Variants in MSRA observed in about 807,000 individuals in gnomAD.
MSRA encodes the protein methionine sulfoxide reductase A.
In MSRA, 54 loss-of-function variants were observed where a neutral mutation model predicts 31.3. That is an observed-to-expected ratio of 1.73 (90% CI 1.39 to 2.17). The LOEUF is 2.17. Ranked by LOEUF, MSRA falls within the 30% of genes most tolerant of loss-of-function variation. The pLI is 0.00. For synonymous variants in MSRA, 169 were observed against 116.5 expected (o/e 1.45, Z -2.90); for missense variants, 507 against 300.9 (o/e 1.69, Z -5.07).
chr8:10,213,271 C>T (rs1455124792), intron 2 of MSRA, among the ~76,000 whole-genome samples: 1 of 151,948 alleles, frequency 6.6e-6, no homozygotes, highest in Non-Finnish European at 1.5e-5. Context: ...ATTTTTAGAT[C>T]CCACAAATAA....
intron 3 of MSRA, among the ~76,000 whole-genome samples, chr8:10,259,096 C>T (rs2952197): frequency 1.4e-5 from 2 of 143,702 alleles, no homozygotes; most frequent in African/African-American, 2.5e-5. Context: ...GACAGAGACT[C>T]TGTCAAAGGA....
At position 10,410,284 on chromosome 8, in the gene MSRA, A is replaced by G. The variant is rs58991652; in HGVS notation, c.544-17864A>G. 8.6e-3 allele frequency among the ~76,000 whole-genome samples: 1,313 copies of G among 152,234 alleles called. 28 individuals are homozygous for G. Among genetic ancestry groups the G allele is most frequent in the African/African-American group, 0.03 (1,258 of 41,532 alleles). On this transcript the variant is annotated intron_variant, in intron 5 of 5. Transcript: ENST00000317173. ...CAACAGGCTAGGTCTTCCAAGGACC[A>G]AAAATCTGGGTGGCCTGTGAAAAAC...
intron 2 of MSRA, among the ~76,000 whole-genome samples, chr8:10,214,575 G>A (rs1809820754): frequency 6.6e-6 from 1 of 151,654 alleles, no homozygotes; most frequent in Non-Finnish European, 1.5e-5. Flanking sequence ...GAAAACTACT[G>A]AAGCCCATTC....
chr8:10,387,833 T>A (rs972364823), intron 5 of MSRA, among the ~76,000 whole-genome samples: 1 of 152,220 alleles, frequency 6.6e-6, no homozygotes, highest in Non-Finnish European at 1.5e-5. Context: ...GGAAGAAGTT[T>A]GTTTCTTCTT....
chr8:10,355,389 T>G (rs1025988223), intron 5 of MSRA, among the ~76,000 whole-genome samples: 7 of 152,234 alleles, frequency 4.6e-5, no homozygotes, highest in African/African-American at 1.4e-4. Flanking sequence ...CCATCACTTC[T>G]TTGATTGTCA....
chr8:10,420,303 T>G lies in MSRA; in HGVS notation c.544-7845T>G, dbSNP rs536273569. 1.2e-4 allele frequency among the ~76,000 whole-genome samples: 18 copies of G among 147,272 alleles called. No individual in the cohort carries two copies. The East Asian group carries it at 3.2e-3, about 27-fold the overall frequency. On this transcript the variant is annotated intron_variant, in intron 5 of 5. Transcript: ENST00000317173. ...GTAGGGGAACAGGGAAGTTTTTTTG[T>G]TTTTTTTTTTTTCCTATTTGTATTT...
intron 3 of MSRA, among the ~76,000 whole-genome samples, chr8:10,288,223 C>G (rs949564764): frequency 3.9e-5 from 6 of 152,168 alleles, no homozygotes; most frequent in African/African-American, 1.2e-4. Flanking sequence ...AGACATTTCT[C>G]TCTTGTCTCC....
chr8:10,339,977 A>T (rs1311074514), intron 5 of MSRA, among the ~76,000 whole-genome samples: 2 of 152,120 alleles, frequency 1.3e-5, no homozygotes, highest in South Asian at 2.1e-4. Flanking sequence ...ATCTTCATGG[A>T]TCCCCAAGGC....
intron 1 of MSRA, among the ~76,000 whole-genome samples, chr8:10,158,579 G>C (rs569243275): frequency 3.9e-5 from 6 of 152,284 alleles, no homozygotes; most frequent in African/African-American, 1.4e-4. Context: ...ATCTTCCATT[G>C]CATGGATGTA....
At chr8:10,063,165 C>T (rs1335739831) in intron 1 of MSRA, among the ~76,000 whole-genome samples, 1 of 152,184 alleles carries the variant, frequency 6.6e-6, no homozygotes, top group Admixed American at 6.5e-5. Context: ...TGGCACTGCT[C>T]TCCTCTCAAA....
chr8:10,170,788 C>G (rs1217994307), intron 1 of MSRA, among the ~76,000 whole-genome samples: 1 of 152,198 alleles, frequency 6.6e-6, no homozygotes, highest in Non-Finnish European at 1.5e-5. Context: ...GACAACTATA[C>G]TGTTGTTTAT....
At chr8:10,240,120 T>G (rs1812280772) in intron 2 of MSRA, among the ~76,000 whole-genome samples, 1 of 152,160 alleles carries the variant, frequency 6.6e-6, no homozygotes. Flanking sequence ...GGCAGGAAAG[T>G]CAAACACGTG....
At chr8:10,214,308 C>T (rs975095450) in intron 2 of MSRA, among the ~76,000 whole-genome samples, 26 of 152,124 alleles carry the variant, frequency 1.7e-4, no homozygotes, top group African/African-American at 6.3e-4. Context: ...TACTCACCTT[C>T]GGCCCCTCCA....
chr8:10,378,757 AGATAC>A (rs1219861651), intron 5 of MSRA, among the ~76,000 whole-genome samples: 1 of 152,258 alleles, frequency 6.6e-6, no homozygotes, highest in Admixed American at 6.5e-5. Flanking sequence ...CTTCTGGCTC[AGATAC>A]CCTGGGGGTG....
In MSRA at chr8:10,426,648, G is replaced by A. The variant is rs141107091; in HGVS notation, c.544-1500G>A. Among the ~76,000 whole-genome samples, 11 of 152,354 alleles carry A rather than the reference G, an allele frequency of 7.2e-5. No homozygotes were observed. The East Asian group carries it at 1.9e-3, about 27-fold the overall frequency. ...GGGGAATGCAGTCTGCGAGCTTTCC[G>A]CCTGTGCGGTACGAGGGTGAGCTGA... On this transcript the variant is annotated intron_variant, in intron 5 of 5. Transcript: ENST00000317173.
chr8:10,212,847 C>T (rs1159232077), intron 2 of MSRA, among the ~76,000 whole-genome samples: 1 of 152,076 alleles, frequency 6.6e-6, no homozygotes, highest in Non-Finnish European at 1.5e-5. Context: ...TTTAAAAAAA[C>T]ATTCTGCTAA....
intron 1 of MSRA, among the ~76,000 whole-genome samples, chr8:10,069,605 C>T (rs1477920412): frequency 3.9e-5 from 6 of 152,174 alleles, no homozygotes; most frequent in Admixed American, 3.9e-4. Context: ...AGTGTGTCCT[C>T]ACATGGCAGA....
At chr8:10,229,610 G>A (rs1437344645) in intron 2 of MSRA, among the ~76,000 whole-genome samples, 2 of 152,100 alleles carry the variant, frequency 1.3e-5, no homozygotes, top group Non-Finnish European at 2.9e-5. Flanking sequence ...GAGCCTAAGA[G>A]AACAGAGTGG....
intron 5 of MSRA, among the ~76,000 whole-genome samples, chr8:10,330,009 TG>T (rs1802600480): frequency 7.0e-5 from 2 of 28,414 alleles, no homozygotes; most frequent in Non-Finnish European, 1.4e-4. Flanking sequence ...GAAAAAAATG[TG>T]TGTGTGTGTG....
Sources: allele counts gnomAD v4.1 joint callset (sites outside exome capture counted in the v4.1 genomes callset), GRCh38; gene constraint gnomAD v4.1.1; transcripts MANE v1.5; gene names NCBI Gene and HGNC (gene_info 2026-07-23, HGNC 2026-07-21).